The following RABEP2 variants were observed in gnomAD, a reference collection of about 807,000 sequenced individuals.
RABEP2 encodes rab GTPase-binding effector protein 2.
RABEP2 carries 57 observed loss-of-function variants against 74.1 expected under a neutral mutation model. The observed-to-expected ratio is 0.77, with a 90% CI of 0.62 to 0.96. The LOEUF (loss-of-function observed/expected upper bound fraction) is 0.96, where lower values mean the gene tolerates loss of function less well. RABEP2 is among the 40% of genes least tolerant of loss of function. RABEP2 has a pLI of 0.00. For synonymous variants in RABEP2, 351 were observed against 344.0 expected (o/e 1.02, Z -0.23); for missense variants, 692 against 756.3 (o/e 0.91, Z 1.00).
At chr16:28,914,024 A>C (rs1596699566) in intron 5 of RABEP2, among the ~76,000 whole-genome samples, 1 of 140,252 alleles carries the variant, frequency 7.1e-6, no homozygotes, top group Non-Finnish European at 1.5e-5. Context: ...CAATCTTCCC[A>C]CCCAGCTTCC....
chr16:28,911,222 G>A lies in RABEP2; in HGVS notation c.895-43C>T, dbSNP rs768905629. On this transcript the variant is annotated intron_variant, in intron 5 of 12. Transcript: ENST00000358201. ...TTCAGCCTGCATCTCCCAGGAACTT[G>A]GCCCCCCTCACCACACTTCTCGTGG... 3 of 1,581,700 alleles carry A rather than the reference G, an allele frequency of 1.9e-6. No homozygotes were observed. In the South Asian group the frequency reaches 3.4e-5, roughly 18 times the overall value.
chr16:28,925,199 G>C lies in RABEP2; in HGVS notation c.-36C>G. ...CAAACGGCGGATTCCCGCACTCCCTGGTGACGGAGCGCACCGCTTCCGGGT... is the reference window on the plus strand; with the variant it reads ...CAAACGGCGGATTCCCGCACTCCCTCGTGACGGAGCGCACCGCTTCCGGGT... On this transcript the variant is annotated 5_prime_UTR_variant, in exon 1 of 13. Transcript: ENST00000358201. 1 of 1,515,816 alleles carries C rather than the reference G, an allele frequency of 6.6e-7. No individual in the cohort carries two copies. Among genetic ancestry groups the C allele is most frequent in the Middle Eastern group, 1.7e-4 (1 of 5,840 alleles). 93.9% of individuals were successfully genotyped at this position (1,515,816 alleles called of 1,614,324 possible).
At chr16:28,917,127 C>T (rs1964406568) in intron 3 of RABEP2, among the ~76,000 whole-genome samples, 1 of 152,158 alleles carries the variant, frequency 6.6e-6, no homozygotes, top group South Asian at 2.1e-4. Context: ...ATTTTCCCAC[C>T]TCTTTTCAAG....
At chr16:28,917,500 A>C (rs1320086323) in intron 3 of RABEP2, among the ~76,000 whole-genome samples, 1 of 151,672 alleles carries the variant, frequency 6.6e-6, no homozygotes, top group Non-Finnish European at 1.5e-5. Flanking sequence ...GCTCACTGCA[A>C]CCTCCGTCTC....
chr16:28,905,667 G>T (rs745507881), intron 11 of RABEP2, 37 bp downstream of exon 11: 1 of 1,607,910 alleles, frequency 6.2e-7, no homozygotes, highest in Admixed American at 1.7e-5. Context: ...CCACAGCTGG[G>T]TCCCTCTCCT....
intron 3 of RABEP2, chr16:28,919,584 C>T (rs1384061826): frequency 1.4e-5 from 6 of 437,910 alleles, no homozygotes; most frequent in Middle Eastern, 5.5e-4. Flanking sequence ...TGGAGCTAAG[C>T]GAACTTGGTC....
intron 1 of RABEP2, 148 bp downstream of exon 1, chr16:28,924,955 C>T (rs1314641354): frequency 3.0e-6 from 3 of 1,009,066 alleles, no homozygotes; most frequent in Non-Finnish European, 4.5e-6. Context: ...CCCCTTTTGC[C>T]TGTGGCTGTA....
rs773605971 is a variant in RABEP2 at position 28,924,415 on chromosome 16, C to T, written c.262G>A (p.Ala88Thr). 1.9e-6 allele frequency: 3 copies of T among 1,612,592 alleles called. No individual in the cohort carries two copies. The highest frequency in any genetic ancestry group is 2.5e-6 in the Non-Finnish European group (3 of 1,179,974). Reference protein sequence around the residue: ...QCQEEVASLQAILKDSISSYE... With the variant: ...QCQEEVASLQTILKDSISSYE... ...TCCCGCGTCTCACCTTTCAGGATGG[C>T]CTGCAGCGAGGCCACCTCCTCTTGG... is the stretch of plus-strand genomic sequence containing the variant. The change falls in exon 2 of 13, where the codon GCC becomes ACC. Residue 88 changes from alanine to threonine, a missense_variant. Transcript: ENST00000358201.
At chr16:28,921,765 G>T (rs1174102066) in intron 2 of RABEP2, among the ~76,000 whole-genome samples, 1 of 150,192 alleles carries the variant, frequency 6.7e-6, no homozygotes, top group African/African-American at 2.5e-5. Context: ...AGGAGTTCGA[G>T]ACCAGCCTGG....
At chr16:28,905,101 C>T in intron 12 of RABEP2, 57 bp from the exon 13 acceptor site, 2 of 1,446,616 alleles carry the variant, frequency 1.4e-6, no homozygotes, top group Non-Finnish European at 1.9e-6. Context: ...AGCCCCTACC[C>T]CACCTGCCAG....
intron 1 of RABEP2, 42 bp downstream of exon 1, chr16:28,925,061 A>C (rs1231283797): frequency 2.5e-5 from 35 of 1,389,808 alleles, no homozygotes; most frequent in Non-Finnish European, 2.5e-5. Context: ...CCCCGCCCCC[A>C]GCATCACCGT....
chr16:28,910,832 C>G (rs1269015800), intron 7 of RABEP2, 56 bp downstream of exon 7: 1 of 1,474,052 alleles, frequency 6.8e-7, no homozygotes, highest in Non-Finnish European at 9.3e-7. Flanking sequence ...CCACCACGTG[C>G]AACTGATTCC....
At chr16:28,909,438 C>T (rs1025840064) in intron 7 of RABEP2, among the ~76,000 whole-genome samples, 7 of 152,046 alleles carry the variant, frequency 4.6e-5, no homozygotes, top group East Asian at 1.9e-4. Context: ...ACAAGCCAGG[C>T]GTGGTGCCAC....
chr16:28,911,227 C>A, intron 5 of RABEP2, 48 bp from the exon 6 acceptor site: 1 of 1,567,604 alleles, frequency 6.4e-7, no homozygotes, highest in South Asian at 1.1e-5. Context: ...AACTTGGCCC[C>A]CCTCACCACA....
rs749306664 is a variant in RABEP2, at chr16:28,919,962, G to T, written c.275-19C>A. 2 of 1,560,312 alleles carry T rather than the reference G, an allele frequency of 1.3e-6. No homozygotes were observed. Among genetic ancestry groups the T allele is most frequent in the East Asian group, 2.3e-5 (1 of 43,438 alleles). On this transcript the variant is annotated intron_variant, in intron 2 of 12. Transcript: ENST00000358201. ...ATGGAGTCTGGTGGGGGAGAGGGAG[G>T]GTGGGAGAGAGGGAGGGTCAATGAG...
intron 2 of RABEP2, chr16:28,924,151 A>G (rs1198855396): frequency 5.6e-6 from 3 of 537,058 alleles, no homozygotes; most frequent in Non-Finnish European, 1.0e-5. Context: ...GGGACAAGAA[A>G]TGACATGGGA....
intron 2 of RABEP2, among the ~76,000 whole-genome samples, chr16:28,920,648 A>C (rs1964458402): frequency 6.6e-6 from 1 of 151,698 alleles, no homozygotes; most frequent in South Asian, 2.1e-4. Flanking sequence ...GGCCTCCCAA[A>C]GTGCTGGGAT....
rs1483823395 is a variant in RABEP2, at chr16:28,910,900, C to T, written c.1077G>A (p.Val359=). ...CCCAGGTACTCACCATCTGCAGCTG[C>T]ACCCGCTCCTGGGCCTGGCTCACGG... The part of the protein sequence containing the change: ...QGTVSQAQER[V]QLQMAELVTT... Residue 359 remains valine, a synonymous_variant, in exon 7 of 13, where the codon GTG becomes GTA. Coordinates refer to ENST00000358201, the MANE Select transcript of RABEP2 (RefSeq NM_024816.3). 2 of 1,611,500 alleles carry T rather than the reference C, an allele frequency of 1.2e-6. No homozygotes were observed. The highest frequency in any genetic ancestry group is 2.7e-5 in the African/African-American group (2 of 74,928).
Position 28,905,490 on chromosome 16 carries a change from T to C in RABEP2, c.1515A>G (p.Ser505=). Residue 505 remains serine (S), a synonymous_variant, in exon 12 of 13, where the codon TCA becomes TCG. Transcript: ENST00000358201. ...GCCGCAGCACCTTGGCCCTCTGTTC[T>C]GAGAGGAGGTCTGGGAGCTGGGCCT... The part of the protein sequence containing the change: ...QSKAQLPDLL[S]EQRAKVLRLQ... The C allele has an allele frequency of 6.2e-7, 1 of 1,611,096 alleles. No individual in the cohort carries two copies. Among genetic ancestry groups the C allele is most frequent in the Non-Finnish European group, 8.5e-7 (1 of 1,179,322 alleles).
Sources: allele counts gnomAD v4.1 joint callset (sites outside exome capture counted in the v4.1 genomes callset), GRCh38; gene constraint gnomAD v4.1.1; transcripts MANE v1.5; gene names NCBI Gene and HGNC (gene_info 2026-07-23, HGNC 2026-07-21).